Variants in AHNAK2 observed in about 807,000 individuals in gnomAD.
The protein encoded by AHNAK2 is protein AHNAK2.
In AHNAK2, 18 loss-of-function variants were observed where a neutral mutation model predicts 30.7. The ratio of observed to expected loss-of-function variants is 0.59; its 90% CI spans 0.41 to 0.87. AHNAK2 has a LOEUF of 0.87. AHNAK2 is among the 40% of genes least tolerant of loss of function. AHNAK2 has a pLI of 0.00. For synonymous variants in AHNAK2, 3,590 were observed against 3,073.8 expected (o/e 1.17, Z -5.56); for missense variants, 8,604 against 7,373.0 (o/e 1.17, Z -6.11).
At position 104,940,330 on chromosome 14, in the gene AHNAK2, G is replaced by A; in HGVS notation, c.15121C>T (p.Pro5041Ser). ...AGGGAAGGATCCACGTCTCTCTGTGGCAGGCTGACCCCACTCTTAGAAGCC... is the reference window on the plus strand; with the variant it reads ...AGGGAAGGATCCACGTCTCTCTGTGACAGGCTGACCCCACTCTTAGAAGCC... ...MKASKSGVSL[P>S]QRDVDPSLSS... The change falls in exon 7 of 7, where the codon CCA (proline) becomes TCA (serine). Residue 5041 changes from proline (P) to serine (S), a missense_variant. Pro to Ser is a moderately conservative substitution (Grantham distance 74, BLOSUM62 -1). Transcript: ENST00000333244. This position sits in a 1 kb window ranked among gnomAD's most constrained non-coding sequence, Gnocchi z 4.4. The A allele has an allele frequency of 1.9e-6, 3 of 1,613,816 alleles. No individual in the cohort carries two copies. The highest frequency in any genetic ancestry group is 2.5e-6 in the Non-Finnish European group (3 of 1,179,892).
At chr14:104,958,279 T>C (rs908070019) in intron 1 of AHNAK2, among the ~76,000 whole-genome samples, 4 of 151,984 alleles carry the variant, frequency 2.6e-5, no homozygotes, top group Non-Finnish European at 5.9e-5. Flanking sequence ...AGAAACCCCA[T>C]CTCTACTAAA....
intron 1 of AHNAK2, among the ~76,000 whole-genome samples, chr14:104,975,782 T>C (rs1159304975): frequency 6.6e-6 from 1 of 152,170 alleles, no homozygotes; most frequent in African/African-American, 2.4e-5. Flanking sequence ...TCACTCGGCA[T>C]CCCTGGCTGC....
chr14:104,947,502 AT>A lies in AHNAK2; in HGVS notation c.7948del (p.Met2650CysfsTer27). On this transcript the variant is annotated frameshift_variant, in exon 7 of 7. Transcript: ENST00000333244. LOFTEE classifies it low-confidence loss of function (END_TRUNC). ...GVTAKDSKFKMPKFKMPSFRV... is the reference protein window; with the variant it reads ...GVTAKDSKFKXPKFKMPSFRV... ...GAATGATGGCATCTTGAACTTGGGC[AT>A]TTTGAACTTGCTATCTTTGGCTGTC... is the stretch of plus-strand genomic sequence containing the variant. The A allele has an allele frequency of 1.2e-6, 2 of 1,612,476 alleles. No homozygotes were observed. Among genetic ancestry groups the A allele is most frequent in the Non-Finnish European group, 1.7e-6 (2 of 1,179,602 alleles).
chr14:104,968,668 C>G (rs1221790140), intron 1 of AHNAK2, among the ~76,000 whole-genome samples: 1 of 152,208 alleles, frequency 6.6e-6, no homozygotes, highest in Non-Finnish European at 1.5e-5. Context: ...GGTGCATTTG[C>G]AAGTCCCCAG....
In AHNAK2 at chr14:104,943,135, G is replaced by A. The variant is rs1898072674; in HGVS notation, c.12316C>T (p.Pro4106Ser). Residue 4106 changes from proline to serine, a missense_variant, in exon 7 of 7, where the codon CCG becomes TCG. Pro to Ser is a moderately conservative substitution (Grantham distance 74). Coordinates refer to ENST00000333244, the MANE Select transcript of AHNAK2 (RefSeq NM_138420.4). ...TGCACACCATCCAGCTTTGCTCTCGGGGCCTGGACGTCCACCTCCATGCTG... is the reference window on the plus strand; with the variant it reads ...TGCACACCATCCAGCTTTGCTCTCGAGGCCTGGACGTCCACCTCCATGCTG... ...LSSMEVDVQA[P>S]RAKLDGVQLE... is the part of the protein sequence containing the mutation. The A allele has an allele frequency of 6.2e-7, 1 of 1,613,306 alleles. No homozygotes were observed. Among genetic ancestry groups the A allele is most frequent in the Non-Finnish European group, 8.5e-7 (1 of 1,179,640 alleles).
intron 2 of AHNAK2, 36 bp downstream of exon 2, chr14:104,957,578 T>A (rs758712363): frequency 6.2e-7 from 1 of 1,603,034 alleles, no homozygotes; most frequent in Non-Finnish European, 8.5e-7. Context: ...GGGGGCAGGG[T>A]ATGAGGAGGA....
rs192116961 is a variant in AHNAK2, at chr14:104,952,790, G to T, written c.2661C>A (p.Ser887=). 2.1e-4 allele frequency: 333 copies of T among 1,610,928 alleles called. 14 individuals carry two copies. The African/African-American group carries it at 4.2e-3, about 20-fold the overall frequency. ...KATDLSIQPP[S]ADLEVQAGQV... is the part of the protein sequence containing the mutation. ...GGCCAGCCTGGACCTCCAGGTCAGCGGAAGGGGGCTGAATGCTGAGGTCAG... is the reference window on the plus strand; with the variant it reads ...GGCCAGCCTGGACCTCCAGGTCAGCTGAAGGGGGCTGAATGCTGAGGTCAG... Residue 887 remains serine, a synonymous_variant, in exon 7 of 7, where the codon TCC becomes TCA. Coordinates refer to ENST00000333244, the MANE Select transcript of AHNAK2 (RefSeq NM_138420.4).
At position 104,944,039 on chromosome 14, in the gene AHNAK2, T is replaced by C; in HGVS notation, c.11412A>G (p.Lys3804=). ...ATGACGGCATCTTGAACTTGGGCAT[T>C]TTGAATTTGCTGTCTTTGGCAGTCA... ...KDVTAKDSKF[K]MPKFKMPSFG... is the part of the protein sequence containing the mutation. Residue 3804 remains lysine (K), a synonymous_variant, in exon 7 of 7, where the codon AAA becomes AAG. Transcript: ENST00000333244. The C allele has an allele frequency of 6.2e-7, 1 of 1,612,636 alleles. No homozygotes were observed.
chr14:104,944,572 C>T lies in AHNAK2; in HGVS notation c.10879G>A (p.Ala3627Thr). Residue 3627 changes from alanine to threonine, a missense_variant, in exon 7 of 7, where the codon GCT (alanine) becomes ACT (threonine). Ala to Thr is a moderately conservative substitution (Grantham distance 58, BLOSUM62 0). Coordinates refer to ENST00000333244, the MANE Select transcript of AHNAK2 (RefSeq NM_138420.4). ...TCTTTGGCAGTCACGTCCTTGTCAGCCAGGGACAGGTCTCCCTCCAGCCGC... is the reference window on the plus strand; with the variant it reads ...TCTTTGGCAGTCACGTCCTTGTCAGTCAGGGACAGGTCTCCCTCCAGCCGC... ...AGRLEGDLSLADKDVTAKDSK... is the reference protein window; with the variant it reads ...AGRLEGDLSLTDKDVTAKDSK... 1.9e-6 allele frequency: 3 copies of T among 1,613,156 alleles called. No individual in the cohort carries two copies. The highest frequency in any genetic ancestry group is 2.5e-6 in the Non-Finnish European group (3 of 1,179,624).
Position 104,937,944 on chromosome 14 carries a change from C to T in AHNAK2, c.*119G>A, listed in dbSNP as rs1052457899. 9 of 1,104,938 alleles carry T rather than the reference C, an allele frequency of 8.1e-6. No homozygotes were observed. Among genetic ancestry groups the T allele is most frequent in the South Asian group, 4.9e-5 (3 of 60,822 alleles). The allele number at this position is 1,104,938 out of a possible 1,614,324, so 68.4% of individuals were successfully genotyped here. A position where few individuals can be genotyped will look rare whatever the true frequency, so the allele number is the denominator to read the frequency against. On this transcript the variant is annotated 3_prime_UTR_variant, in exon 7 of 7. Transcript: ENST00000333244. ...TTCTGGTCATTTCTGCTCTGTTCTC[C>T]GTTCTGTGAAGTGAGGTGGATGTAA...
chr14:104,974,834 G>T (rs567682469), intron 1 of AHNAK2, among the ~76,000 whole-genome samples: 3 of 152,330 alleles, frequency 2.0e-5, no homozygotes, highest in African/African-American at 7.2e-5. Context: ...TACTCCTGAA[G>T]TGGGTGGCAG....
chr14:104,962,184 G>A (rs1899166966), intron 1 of AHNAK2, among the ~76,000 whole-genome samples: 1 of 152,138 alleles, frequency 6.6e-6, no homozygotes, highest in Non-Finnish European at 1.5e-5. Context: ...GGCACTGGGA[G>A]AACACTCCTG....
At position 104,939,415 on chromosome 14, in the gene AHNAK2, T is replaced by G. The variant is rs1213229826; in HGVS notation, c.16036A>C (p.Lys5346Gln). ...DLASMEDKTE[K>Q]WSSQPEGPLK... is the part of the protein sequence containing the mutation. ...GGACCTTCAGGCTGGGAAGACCATTTCTCTGTTTTATCCTCCATGCTGGCA... is the reference window on the plus strand; with the variant it reads ...GGACCTTCAGGCTGGGAAGACCATTGCTCTGTTTTATCCTCCATGCTGGCA... Residue 5346 changes from lysine (K) to glutamine (Q), a missense_variant, in exon 7 of 7, where the codon AAA becomes CAA. Transcript: ENST00000333244. 1.2e-6 allele frequency: 2 copies of G among 1,613,580 alleles called. No individual in the cohort carries two copies. The highest frequency in any genetic ancestry group is 1.7e-5 in the Admixed American group (1 of 60,026).
intron 1 of AHNAK2, among the ~76,000 whole-genome samples, chr14:104,963,646 C>T (rs1278174959): frequency 2.6e-5 from 4 of 152,068 alleles, no homozygotes; most frequent in Admixed American, 1.3e-4. Context: ...CTGGCTAACA[C>T]GGTGAAACCC....
Position 104,945,153 on chromosome 14 carries a change from T to A in AHNAK2, c.10298A>T (p.Glu3433Val), listed in dbSNP as rs1290839916. The A allele has an allele frequency of 1.2e-6, 2 of 1,612,936 alleles. No homozygotes were observed. The highest frequency in any genetic ancestry group is 1.3e-5 in the African/African-American group (1 of 74,504). ...CACCTCCACGCTGGGCAGAGACACC[T>A]CCACATCAGGGACTGTCACTTCCGC... is the stretch of plus-strand genomic sequence containing the variant. ...PKAEVTVPDV[E>V]VSLPSVEVDV... is the part of the protein sequence containing the mutation. Residue 3433 changes from glutamate to valine, a missense_variant, in exon 7 of 7, where the codon GAG becomes GTG. Physicochemically the swap from Glu to Val is moderately radical, Grantham distance 121. Coordinates refer to ENST00000333244, the MANE Select transcript of AHNAK2 (RefSeq NM_138420.4).
chr14:104,943,556 G>A lies in AHNAK2; in HGVS notation c.11895C>T (p.Asp3965=), dbSNP rs201139339. 75 of 1,612,872 alleles carry A rather than the reference G, an allele frequency of 4.7e-5. No homozygotes were observed. The African/African-American group carries it at 9.4e-4, about 20-fold the overall frequency. The part of the protein sequence containing the change: ...SLADKDMTAK[D]SKFKMPKFKM... ...TGAACTTGGGCATTTTGAACTTGCT[G>A]TCTTTGGCCGTCATGTCCTTGTCGG... Residue 3965 remains aspartate (D), a synonymous_variant, in exon 7 of 7, where the codon GAC becomes GAT. Transcript: ENST00000333244.
Position 104,949,521 on chromosome 14 carries a change from G to T in AHNAK2, c.5930C>A (p.Ala1977Asp), listed in dbSNP as rs1474310691. Reference protein sequence around the residue: ...GARLEGDLSLADKDMTAKDSK... With the variant: ...GARLEGDLSLDDKDMTAKDSK... ...GTCTTTGGCAGTCATGTCCTTGTCG[G>T]CCAGGGACAGGTCTCCCTCCAGCCG... Residue 1977 changes from alanine (A) to aspartate (D), a missense_variant, in exon 7 of 7, where the codon GCC (alanine) becomes GAC (aspartate). By Grantham distance (126) the Ala-to-Asp change is moderately radical. Coordinates refer to ENST00000333244, the MANE Select transcript of AHNAK2 (RefSeq NM_138420.4). The T allele has an allele frequency of 1.3e-6, 2 of 1,588,184 alleles. No individual in the cohort carries two copies. The highest frequency in any genetic ancestry group is 2.7e-5 in the African/African-American group (2 of 73,086).
chr14:104,955,749 A>C lies in AHNAK2; in HGVS notation c.316-116T>G, dbSNP rs1404975753. Reference sequence around the variant, plus strand: ...ACCCCACCATCCTTTCCATCAGCCCAGACAACACAGAGCAGAGTAGGGTAC... The same window carrying C: ...ACCCCACCATCCTTTCCATCAGCCCCGACAACACAGAGCAGAGTAGGGTAC... On this transcript the variant is annotated intron_variant, in intron 4 of 6. Coordinates refer to ENST00000333244, the MANE Select transcript of AHNAK2 (RefSeq NM_138420.4). 6.5e-6 allele frequency: 9 copies of C among 1,381,492 alleles called. No individual in the cohort carries two copies. The South Asian group carries it at 8.8e-5, about 14-fold the overall frequency. The allele number at this position is 1,381,492 out of a possible 1,614,324, so 85.6% of individuals were successfully genotyped here. A position where few individuals can be genotyped will look rare whatever the true frequency, so the allele number is the denominator to read the frequency against.
Position 104,950,445 on chromosome 14 carries a change from C to T in AHNAK2, c.5006G>A (p.Gly1669Glu), listed in dbSNP as rs1267228837. 6.3e-7 allele frequency: 1 copy of T among 1,586,684 alleles called. No individual in the cohort carries two copies. The highest frequency in any genetic ancestry group is 1.4e-5 in the African/African-American group (1 of 72,598). The stretch of plus-strand genomic sequence containing the variant: ...GATGGACTTGCCTGGGGCCGACACC[C>T]CAAATGATGGCATCTTGAACTTGGG... ...KMPKFKMPSF[G>E]VSAPGKSIEA... Residue 1669 changes from glycine to glutamate, a missense_variant, in exon 7 of 7, where the codon GGG becomes GAG. Physicochemically the swap from Gly to Glu is moderately conservative, Grantham distance 98. Coordinates refer to ENST00000333244, the MANE Select transcript of AHNAK2 (RefSeq NM_138420.4).
Sources: allele counts gnomAD v4.1 joint callset (sites outside exome capture counted in the v4.1 genomes callset), GRCh38; gene constraint gnomAD v4.1.1; non-coding constraint Gnocchi (gnomAD v3.1); transcripts MANE v1.5; gene names NCBI Gene and HGNC (gene_info 2026-07-23, HGNC 2026-07-21).